Variants in ZNF407 observed in about 807,000 individuals in gnomAD.
ZNF407 encodes the protein zinc finger protein 407.
A neutral mutation model predicts 131.2 loss-of-function variants in ZNF407; 17 were observed. The ratio of observed to expected loss-of-function variants is 0.13; its 90% CI spans 0.09 to 0.19. The LOEUF is 0.19. Among genes scored for constraint, ZNF407 ranks in the 10% least tolerant of loss-of-function variants. The probability of loss-of-function intolerance (pLI) is 1.00; values close to 1 mark genes in which losing one functional copy is unlikely to be tolerated. For missense variants in ZNF407, 2,681 were observed against 2,830.6 expected (o/e 0.95, Z 1.20); for synonymous variants, 1,156 against 1,062.0 (o/e 1.09, Z -1.72).
intron 3 of ZNF407, among the ~76,000 whole-genome samples, chr18:74,702,598 A>G (rs931334370): frequency 6.6e-6 from 1 of 152,138 alleles, no homozygotes; most frequent in Admixed American, 6.6e-5. Context: ...ATTGAGATAC[A>G]TTTAGTTCTT....
chr18:74,902,889 C>G (rs1971547951), intron 7 of ZNF407, among the ~76,000 whole-genome samples: 1 of 152,144 alleles, frequency 6.6e-6, no homozygotes, highest in African/African-American at 2.4e-5. Context: ...AAAATGAACT[C>G]TCTTATCATA....
chr18:74,692,236 C>T (rs1370504954), intron 3 of ZNF407, among the ~76,000 whole-genome samples: 3 of 152,044 alleles, frequency 2.0e-5, no homozygotes, highest in East Asian at 1.9e-4. Context: ...CAGTCTAGTC[C>T]GGAGTGGAGC....
Position 74,805,490 on chromosome 18 carries a change from C to A in ZNF407, c.4877+23988C>A, listed in dbSNP as rs544852876. Among the ~76,000 whole-genome samples the A allele has an allele frequency of 2.6e-3, 403 of 152,330 alleles. 4 individuals carry two copies. The highest frequency in any genetic ancestry group is 9.2e-3 in the African/African-American group (381 of 41,588). ...CAAATTGTCTAGTAGCAGACTGCAA[C>A]ATAAGCATACTGTTAAATCTAGCAT... On this transcript the variant is annotated intron_variant, in intron 4 of 8. Transcript: ENST00000299687.
At chr18:74,918,182 C>T (rs1414303827) in intron 7 of ZNF407, among the ~76,000 whole-genome samples, 1 of 152,204 alleles carries the variant, frequency 6.6e-6, no homozygotes, top group Admixed American at 6.5e-5. Flanking sequence ...TTAAGAGACT[C>T]TACAGTCCTA....
intron 3 of ZNF407, among the ~76,000 whole-genome samples, chr18:74,757,656 T>C (rs889829664): frequency 6.6e-6 from 1 of 152,164 alleles, no homozygotes; most frequent in Admixed American, 6.5e-5. Context: ...CTTTTATTTC[T>C]AGTTGATGTA....
chr18:74,972,523 T>C (rs1972484275), intron 8 of ZNF407, among the ~76,000 whole-genome samples: 1 of 152,246 alleles, frequency 6.6e-6, no homozygotes, highest in African/African-American at 2.4e-5. Flanking sequence ...CTGCTTTATC[T>C]GATCACGTCT....
chr18:74,625,883 T>C (rs1983765738), intron 1 of ZNF407, among the ~76,000 whole-genome samples: 1 of 152,240 alleles, frequency 6.6e-6, no homozygotes, highest in Non-Finnish European at 1.5e-5. Context: ...ATCATGTCTT[T>C]ACAGTCTAGC....
intron 3 of ZNF407, among the ~76,000 whole-genome samples, chr18:74,676,485 G>A (rs1217994147): frequency 1.4e-5 from 2 of 147,588 alleles, no homozygotes; most frequent in South Asian, 2.1e-4. Context: ...CACCCAGGCT[G>A]GAGTGCAGTG....
chr18:74,649,979 T>C (rs1263029771), intron 3 of ZNF407, among the ~76,000 whole-genome samples: 1 of 152,200 alleles, frequency 6.6e-6, no homozygotes, highest in African/African-American at 2.4e-5. Context: ...TATCAAAGGA[T>C]AGAATTAACT....
chr18:74,674,833 A>G (rs1307833918), intron 3 of ZNF407, among the ~76,000 whole-genome samples: 1 of 152,214 alleles, frequency 6.6e-6, no homozygotes, highest in African/African-American at 2.4e-5. Flanking sequence ...TGAATGTTGT[A>G]GTTAGGTAAT....
intron 8 of ZNF407, among the ~76,000 whole-genome samples, chr18:74,991,263 A>T (rs1972715531): frequency 6.6e-6 from 1 of 152,214 alleles, no homozygotes; most frequent in Non-Finnish European, 1.5e-5. Flanking sequence ...AGCTTCACAT[A>T]GCTGTTTGTG....
chr18:74,925,257 A>G (rs1473681400), intron 8 of ZNF407, among the ~76,000 whole-genome samples: 2 of 152,196 alleles, frequency 1.3e-5, no homozygotes, highest in Admixed American at 1.3e-4. Flanking sequence ...ACTTGAAATT[A>G]TCATATTCTC....
At chr18:74,793,555 C>T (rs1017665095) in intron 4 of ZNF407, among the ~76,000 whole-genome samples, 3 of 152,162 alleles carry the variant, frequency 2.0e-5, no homozygotes, top group Admixed American at 6.5e-5. Flanking sequence ...AAAGATGGTT[C>T]TCTTGTTGGA....
In ZNF407 at chr18:75,016,397, A is replaced by G. The variant is rs114038396; in HGVS notation, c.5429-46753A>G. ...CTATGTAGTTTCAACTTATTTCACC[A>G]TAAGAATCATCACAACTTTTACTAT... On this transcript the variant is annotated intron_variant, in intron 8 of 8. Coordinates refer to ENST00000299687, the MANE Select transcript of ZNF407 (RefSeq NM_017757.3). Among the ~76,000 whole-genome samples the G allele has an allele frequency of 9.6e-3, 1,458 of 152,258 alleles. 20 individuals carry two copies. The highest frequency in any genetic ancestry group is 0.028 in the African/African-American group (1,149 of 41,568).
chr18:74,852,163 CTACA>C (rs1970794045), intron 4 of ZNF407, among the ~76,000 whole-genome samples: 1 of 71,226 alleles, frequency 1.4e-5, no homozygotes, highest in African/African-American at 6.0e-5. Flanking sequence ...TGGATGCATG[CTACA>C]CACACACACA....
chr18:74,890,136 A>G (rs1971364283), intron 7 of ZNF407, 98 bp downstream of exon 7: 5 of 1,292,094 alleles, frequency 3.9e-6, no homozygotes, highest in South Asian at 4.6e-5. Flanking sequence ...TCTAATCACC[A>G]TGAGTTCATA....
At chr18:74,696,092 G>GT (rs1246483934) in intron 3 of ZNF407, among the ~76,000 whole-genome samples, 3 of 152,268 alleles carry the variant, frequency 2.0e-5, no homozygotes, top group Admixed American at 1.3e-4. Flanking sequence ...TCCAATCACT[G>GT]TAAGGACTGC....
At chr18:74,684,262 C>T (rs1021841523) in intron 3 of ZNF407, among the ~76,000 whole-genome samples, 7 of 152,074 alleles carry the variant, frequency 4.6e-5, no homozygotes, top group African/African-American at 1.7e-4. Flanking sequence ...CCCCCTACCC[C>T]ACAAGGTATT....
intron 3 of ZNF407, among the ~76,000 whole-genome samples, chr18:74,722,641 T>TG (rs1216085003): frequency 1.3e-5 from 2 of 152,230 alleles, no homozygotes; most frequent in African/African-American, 4.8e-5. Context: ...GTTGAGGAGT[T>TG]GGTGGAGGGA....
Sources: gnomAD v4.1 joint callset for allele counts (sites outside exome capture counted in the v4.1 genomes callset) on GRCh38, gnomAD v4.1.1 for gene constraint, MANE v1.5 for transcripts, NCBI Gene and HGNC (gene_info 2026-07-23, HGNC 2026-07-21) for gene names.